USH2A: variants seen among roughly 807,000 people sequenced by gnomAD.
USH2A encodes Usher syndrome 2A (autosomal recessive, mild).
A neutral mutation model predicts 538.9 loss-of-function variants in USH2A; 443 were observed. That is an observed-to-expected ratio of 0.82 (90% CI 0.76 to 0.89). The LOEUF is 0.89. Among genes scored for constraint, USH2A ranks in the 40% least tolerant of loss-of-function variants. The pLI is 0.00. For missense variants in USH2A, 6,633 were observed against 6,324.8 expected (o/e 1.05, Z -1.65); for synonymous variants, 2,413 against 2,273.5 (o/e 1.06, Z -1.75).
rs77564456 is a variant in USH2A, at chr1:216,081,061, T to C, written c.5298+2395A>G. On this transcript the variant is annotated intron_variant, in intron 26 of 71. Transcript: ENST00000307340. Reference sequence around the variant, plus strand: ...AAAGAATTGGAGAGCTCAAAACAAGTTCTCATACCCGTATTAGTTTTCCTA... The same window carrying C: ...AAAGAATTGGAGAGCTCAAAACAAGCTCTCATACCCGTATTAGTTTTCCTA... Among the ~76,000 whole-genome samples, 57 of 152,198 alleles carry C rather than the reference T, an allele frequency of 3.7e-4. No individual in the cohort carries two copies. The East Asian group carries it at 0.011, about 29-fold the overall frequency.
intron 61 of USH2A, among the ~76,000 whole-genome samples, chr1:215,684,653 A>G (rs1315427325): frequency 6.6e-6 from 1 of 152,206 alleles, no homozygotes; most frequent in Non-Finnish European, 1.5e-5. Flanking sequence ...TCAACAGAGT[A>G]TTACGTGTCC....
intron 16 of USH2A, among the ~76,000 whole-genome samples, chr1:216,201,289 A>G (rs1269851594): frequency 6.7e-6 from 1 of 149,164 alleles, no homozygotes; most frequent in Non-Finnish European, 1.5e-5. Flanking sequence ...GTGTAAACCT[A>G]GGCATTCCCA....
chr1:215,873,018 A>T (rs950772390), intron 43 of USH2A, among the ~76,000 whole-genome samples: 1 of 152,106 alleles, frequency 6.6e-6, no homozygotes, highest in Non-Finnish European at 1.5e-5. Context: ...TTTATAAATT[A>T]TCCAGTCTCA....
At chr1:215,921,951 T>C (rs1571815194) in intron 38 of USH2A, among the ~76,000 whole-genome samples, 1 of 152,070 alleles carries the variant, frequency 6.6e-6, no homozygotes, top group East Asian at 1.9e-4. Context: ...AAAGGTTACA[T>C]GATCTTAATT....
chr1:216,330,227 T>TAAC (rs1045886398), intron 4 of USH2A, among the ~76,000 whole-genome samples: 1 of 152,066 alleles, frequency 6.6e-6, no homozygotes, highest in African/African-American at 2.4e-5. Context: ...TACAATCAGT[T>TAAC]AACAACAACA....
At chr1:216,244,954 T>G (rs2036008036) in intron 13 of USH2A, among the ~76,000 whole-genome samples, 1 of 152,196 alleles carries the variant, frequency 6.6e-6, no homozygotes, top group Admixed American at 6.5e-5. Context: ...TAGCTTGTTT[T>G]GGTTTACTTA....
At chr1:215,836,565 A>ATAATATATATTATATATATATATTTTT (rs1553267793) in intron 47 of USH2A, among the ~76,000 whole-genome samples, 1 of 32,868 alleles carries the variant, frequency 3.0e-5, no homozygotes, top group Non-Finnish European at 5.8e-5. Flanking sequence ...ATATATATAT[A>ATAATATATATTATATATATATATTTTT]TTTTTTTTTG....
intron 14 of USH2A, among the ~76,000 whole-genome samples, chr1:216,219,524 G>GAGT (rs1288258431): frequency 6.6e-6 from 1 of 151,888 alleles, no homozygotes; most frequent in Non-Finnish European, 1.5e-5. Flanking sequence ...CCCTCCTCAA[G>GAGT]AGTACCTCCT....
intron 37 of USH2A, among the ~76,000 whole-genome samples, chr1:215,962,070 A>G (rs977644615): frequency 1.3e-5 from 2 of 152,064 alleles, no homozygotes; most frequent in African/African-American, 4.8e-5. Context: ...ATATGTTCAT[A>G]AGTTCCAACT....
intron 3 of USH2A, among the ~76,000 whole-genome samples, chr1:216,375,657 G>A (rs562355243): frequency 6.6e-6 from 1 of 152,234 alleles, no homozygotes; most frequent in African/African-American, 2.4e-5. Flanking sequence ...GGTCATTAGA[G>A]TAGCACTTTA....
intron 47 of USH2A, among the ~76,000 whole-genome samples, chr1:215,826,260 G>A (rs549362478): frequency 6.6e-6 from 1 of 152,272 alleles, no homozygotes; most frequent in East Asian, 1.9e-4. Context: ...TCTTTGGAAT[G>A]TTCTGCTCTT....
intron 44 of USH2A, among the ~76,000 whole-genome samples, chr1:215,848,064 T>C (rs1480542484): frequency 6.6e-6 from 1 of 152,184 alleles, no homozygotes. Context: ...AATGAGGTCA[T>C]TATTGATCAT....
intron 61 of USH2A, among the ~76,000 whole-genome samples, chr1:215,689,942 T>G (rs1357874259): frequency 6.6e-6 from 1 of 152,256 alleles, no homozygotes; most frequent in Non-Finnish European, 1.5e-5. Flanking sequence ...TTTAAGCTAC[T>G]AAGTTTGTTG....
chr1:216,160,799 C>T (rs1465354957), intron 21 of USH2A, among the ~76,000 whole-genome samples: 1 of 152,044 alleles, frequency 6.6e-6, no homozygotes, highest in East Asian at 1.9e-4. Context: ...GATAGTTATA[C>T]TAATATTTTG....
At chr1:216,062,702 G>T (rs538407885) in intron 30 of USH2A, among the ~76,000 whole-genome samples, 1 of 152,096 alleles carries the variant, frequency 6.6e-6, no homozygotes, top group South Asian at 2.1e-4. Context: ...TGGCATAGGC[G>T]GAATTTGACC....
chr1:215,895,891 G>A (rs1047619350), intron 40 of USH2A, among the ~76,000 whole-genome samples: 1 of 152,126 alleles, frequency 6.6e-6, no homozygotes, highest in Admixed American at 6.5e-5. Context: ...ATAGCCTGTT[G>A]CTCCTAGGCT....
At chr1:216,000,706 T>A in intron 32 of USH2A, 144 bp from the exon 33 acceptor site, 1 of 1,005,922 alleles carries the variant, frequency 9.9e-7, no homozygotes, top group Non-Finnish European at 1.5e-6. Context: ...TCAATAGCAA[T>A]AACATATAGG....
At chr1:216,350,341 C>T (rs145275448) in intron 4 of USH2A, among the ~76,000 whole-genome samples, 184 of 152,216 alleles carry the variant, frequency 1.2e-3, no homozygotes, top group African/African-American at 4.2e-3. Context: ...TATCCCTTCC[C>T]AACAGTCTCC....
At chr1:215,895,336 G>A (rs904475025) in intron 40 of USH2A, among the ~76,000 whole-genome samples, 9 of 152,072 alleles carry the variant, frequency 5.9e-5, no homozygotes, top group Non-Finnish European at 1.3e-4. Context: ...GTCTTGAGAC[G>A]TTACAATTCA....
Sources: allele counts gnomAD v4.1 joint callset (sites outside exome capture counted in the v4.1 genomes callset), GRCh38; gene constraint gnomAD v4.1.1; transcripts MANE v1.5; gene names NCBI Gene and HGNC (gene_info 2026-07-23, HGNC 2026-07-21).